The following ITPR1 variants were observed in gnomAD, a reference collection of about 807,000 sequenced individuals.
ITPR1 encodes the protein inositol 1,4,5-trisphosphate receptor type 1.
A neutral mutation model predicts 318.4 loss-of-function variants in ITPR1; 96 were observed. The observed-to-expected ratio is 0.30, with a 90% CI of 0.26 to 0.36. The LOEUF (loss-of-function observed/expected upper bound fraction) is 0.36, where lower values mean the gene tolerates loss of function less well. ITPR1 is among the 10% of genes least tolerant of loss of function. ITPR1 has a pLI of 1.00. For synonymous variants in ITPR1, 1,312 were observed against 1,289.9 expected, an observed-to-expected ratio of 1.02 and a Z score of -0.37; for missense variants, 2,440 against 3,460.2, an observed-to-expected ratio of 0.71 and a Z score of 7.40.
At chr3:4,690,464 G>A (rs1574876212) in intron 31 of ITPR1, among the ~76,000 whole-genome samples, 2 of 152,150 alleles carry the variant, frequency 1.3e-5, no homozygotes, top group Admixed American at 1.3e-4. Flanking sequence ...ACAATACTAA[G>A]TGTTGACAAG....
intron 46 of ITPR1, among the ~76,000 whole-genome samples, chr3:4,773,044 AGCT>A (rs2046282838): frequency 6.6e-6 from 1 of 152,238 alleles, no homozygotes; most frequent in South Asian, 2.1e-4. Context: ...TCCCTGTGCC[AGCT>A]GCTGGGCACC....
chr3:4,724,211 C>A (rs1395415288), intron 40 of ITPR1, among the ~76,000 whole-genome samples: 1 of 152,216 alleles, frequency 6.6e-6, no homozygotes, highest in Non-Finnish European at 1.5e-5. Context: ...ATTGAGTGAG[C>A]AACCCTTGTT....
rs146903558 is a variant in ITPR1 at position 4,846,346 on chromosome 3, G to C, written c.*121G>C. ...TGCTGAATACATTTGTAAATACTCA[G>C]TTTTATACTGTATGTATATGATTGC... On this transcript the variant is annotated 3_prime_UTR_variant, in exon 62 of 62. Transcript: ENST00000649015. 8.6e-4 allele frequency: 521 copies of C among 608,326 alleles called. 3 individuals carry two copies. In the East Asian group the frequency reaches 0.013, roughly 15 times the overall value. 37.7% of individuals were successfully genotyped at this position (608,326 alleles called of 1,614,324 possible). A position where few individuals can be genotyped will look rare whatever the true frequency, so the allele number is the denominator to read the frequency against.
chr3:4,831,660 A>C (rs538023576), intron 60 of ITPR1, among the ~76,000 whole-genome samples: 1 of 152,348 alleles, frequency 6.6e-6, no homozygotes, highest in East Asian at 1.9e-4. Flanking sequence ...AAGCCAAGAC[A>C]CTGAGACACG....
intron 4 of ITPR1, among the ~76,000 whole-genome samples, chr3:4,586,714 G>A (rs548815030): frequency 7.0e-6 from 1 of 143,220 alleles, no homozygotes; most frequent in Admixed American, 6.8e-5. Context: ...TCCCTGTGTT[G>A]CCCAGGCTGG....
chr3:4,677,377 G>C (rs2094205908), intron 24 of ITPR1, among the ~76,000 whole-genome samples: 1 of 152,224 alleles, frequency 6.6e-6, no homozygotes, highest in Non-Finnish European at 1.5e-5. Context: ...GGTCAGGATT[G>C]TTTGGAGACA....
At chr3:4,536,340 G>T (rs1177260973) in intron 4 of ITPR1, among the ~76,000 whole-genome samples, 2 of 152,186 alleles carry the variant, frequency 1.3e-5, no homozygotes, top group East Asian at 3.8e-4. Flanking sequence ...GAAGGGTGAG[G>T]TATATTTAAG....
At chr3:4,645,887 G>A in intron 10 of ITPR1, 159 bp downstream of exon 10, 1 of 673,452 alleles carries the variant, frequency 1.5e-6, no homozygotes, top group Non-Finnish European at 2.5e-6. Context: ...GAATACATGT[G>A]TGTGTATATA....
intron 40 of ITPR1, among the ~76,000 whole-genome samples, chr3:4,718,741 GA>G (rs1324729064): frequency 6.6e-6 from 1 of 152,190 alleles, no homozygotes; most frequent in African/African-American, 2.4e-5. Flanking sequence ...TAGAAGGTGA[GA>G]AAAACAAAAG....
chr3:4,699,942 GTAAGA>G lies in ITPR1; in HGVS notation c.4536+2_4536+6del. 1 of 1,611,974 alleles carries G rather than the reference GTAAGA, an allele frequency of 6.2e-7. No homozygotes were observed. Among genetic ancestry groups the G allele is most frequent in the Non-Finnish European group, 8.5e-7 (1 of 1,178,336 alleles). On this transcript the variant is annotated splice_donor_variant and splice_donor_5th_base_variant and intron_variant, in intron 35 of 61. Coordinates refer to ENST00000649015, the MANE Select transcript of ITPR1 (RefSeq NM_001378452.1). LOFTEE classifies it high-confidence loss of function. Reference sequence around the variant, plus strand: ...CTCAGACCAGAGTACGACTTTGCAGGTAAGAAATAACCAACGTCAAGCAGAATGTT... The same window carrying G: ...CTCAGACCAGAGTACGACTTTGCAGGAATAACCAACGTCAAGCAGAATGTT...
At chr3:4,714,438 C>CCTT (rs1349377185) in intron 39 of ITPR1, among the ~76,000 whole-genome samples, 4 of 152,140 alleles carry the variant, frequency 2.6e-5, no homozygotes, top group Non-Finnish European at 5.9e-5. Context: ...CTCTCCTGAG[C>CCTT]CTTCACCGCC....
chr3:4,701,044 A>G (rs2094641807), intron 35 of ITPR1, among the ~76,000 whole-genome samples: 1 of 152,196 alleles, frequency 6.6e-6, no homozygotes, highest in Non-Finnish European at 1.5e-5. Context: ...TGAAGTTTGG[A>G]TAGGGACACA....
intron 2 of ITPR1, among the ~76,000 whole-genome samples, chr3:4,496,195 G>A (rs538927805): frequency 5.3e-5 from 8 of 152,278 alleles, no homozygotes; most frequent in Non-Finnish European, 7.4e-5. Context: ...TGAATAATTC[G>A]AAAGTTTAAA....
intron 61 of ITPR1, 42 bp from the exon 62 acceptor site, chr3:4,846,096 AG>A (rs2051758905): frequency 2.6e-6 from 3 of 1,174,124 alleles, no homozygotes; most frequent in Non-Finnish European, 3.7e-6. Context: ...TTTGACGTAC[AG>A]GAAGTATCTG....
chr3:4,608,044 T>C (rs902412693), intron 4 of ITPR1, among the ~76,000 whole-genome samples: 1 of 152,108 alleles, frequency 6.6e-6, no homozygotes, highest in Non-Finnish European at 1.5e-5. Flanking sequence ...GTAAACTAAA[T>C]GTCTCCCAAA....
intron 4 of ITPR1, among the ~76,000 whole-genome samples, chr3:4,542,051 G>A (rs540065828): frequency 6.6e-6 from 1 of 152,214 alleles, no homozygotes; most frequent in Admixed American, 6.5e-5. Context: ...TTCATTGAGA[G>A]TTTAATTTGA....
chr3:4,609,978 G>T (rs1328596012), intron 4 of ITPR1, among the ~76,000 whole-genome samples: 2 of 152,164 alleles, frequency 1.3e-5, no homozygotes, highest in African/African-American at 2.4e-5. Context: ...ATGAGCAAGG[G>T]AGGGGGGACC....
At chr3:4,794,755 C>T (rs899423237) in intron 52 of ITPR1, among the ~76,000 whole-genome samples, 11 of 152,264 alleles carry the variant, frequency 7.2e-5, no homozygotes, top group Non-Finnish European at 1.3e-4. Flanking sequence ...TGGATAACCC[C>T]CAGATTCCGC....
intron 4 of ITPR1, among the ~76,000 whole-genome samples, chr3:4,549,740 T>C (rs1396024491): frequency 6.6e-6 from 1 of 152,180 alleles, no homozygotes. Flanking sequence ...TTTTTCCTCC[T>C]AGACCTATAA....
Sources: gnomAD v4.1 joint callset for allele counts (sites outside exome capture counted in the v4.1 genomes callset) on GRCh38, gnomAD v4.1.1 for gene constraint, MANE v1.5 for transcripts, NCBI Gene and HGNC (gene_info 2026-07-23, HGNC 2026-07-21) for gene names.